SGCZ: variants seen among roughly 807,000 people sequenced by gnomAD.
SGCZ encodes the protein zeta-sarcoglycan.
In SGCZ, 40 loss-of-function variants were observed where a neutral mutation model predicts 41.3. The ratio of observed to expected loss-of-function variants is 0.97; its 90% CI spans 0.75 to 1.26. The LOEUF (loss-of-function observed/expected upper bound fraction) is 1.26, where lower values mean the gene tolerates loss of function less well. Ranked by LOEUF, SGCZ falls within the 50% of genes most tolerant of loss-of-function variation. The pLI is 0.00. For synonymous variants in SGCZ, 206 were observed against 137.5 expected (o/e 1.50, Z -3.49); for missense variants, 552 against 369.8 (o/e 1.49, Z -4.04).
At chr8:14,737,290 A>G (rs1799067067) in intron 1 of SGCZ, among the ~76,000 whole-genome samples, 1 of 151,846 alleles carries the variant, frequency 6.6e-6, no homozygotes, top group Admixed American at 6.6e-5. Flanking sequence ...TTAATTTTAT[A>G]AAGTTATTCT....
chr8:14,743,929 G>A (rs1260883559), intron 1 of SGCZ, among the ~76,000 whole-genome samples: 1 of 152,052 alleles, frequency 6.6e-6, no homozygotes, highest in Non-Finnish European at 1.5e-5. Flanking sequence ...CTGGGGATCC[G>A]AAAGGACAGG....
At chr8:14,303,090 C>T (rs1801248338) in intron 3 of SGCZ, among the ~76,000 whole-genome samples, 1 of 152,094 alleles carries the variant, frequency 6.6e-6, no homozygotes, top group Admixed American at 6.6e-5. Flanking sequence ...ATTAGATGCC[C>T]ACTTTTACCT....
Position 14,271,757 on chromosome 8 carries a change from T to G in SGCZ, c.337-34078A>C, listed in dbSNP as rs564288026. Reference sequence around the variant, plus strand: ...TACTTCCTTGTCCGCTTCTAAAACCTCAGCTGTCCAAGTGAAGATCCTGAT... The same window carrying G: ...TACTTCCTTGTCCGCTTCTAAAACCGCAGCTGTCCAAGTGAAGATCCTGAT... On this transcript the variant is annotated intron_variant, in intron 3 of 7. Coordinates refer to ENST00000382080, the MANE Select transcript of SGCZ (RefSeq NM_139167.4). Among the ~76,000 whole-genome samples the G allele has an allele frequency of 7.9e-5, 12 of 152,284 alleles. No individual in the cohort carries two copies. In the East Asian group the frequency reaches 2.3e-3, roughly 29 times the overall value.
At chr8:14,662,060 T>G (rs1563186452) in intron 1 of SGCZ, among the ~76,000 whole-genome samples, 1 of 152,090 alleles carries the variant, frequency 6.6e-6, no homozygotes. Flanking sequence ...AGAAGAAAAA[T>G]CCTTTCATAT....
At chr8:14,356,179 T>C (rs1047433435) in intron 2 of SGCZ, among the ~76,000 whole-genome samples, 4 of 152,176 alleles carry the variant, frequency 2.6e-5, no homozygotes, top group African/African-American at 9.7e-5. Context: ...TCTGACATGT[T>C]TAAAGCAGGC....
intron 2 of SGCZ, among the ~76,000 whole-genome samples, chr8:14,415,954 A>G (rs1217988961): frequency 6.6e-6 from 1 of 151,966 alleles, no homozygotes; most frequent in African/African-American, 2.4e-5. Context: ...TAATTTCTCT[A>G]TAATAATGGA....
intron 1 of SGCZ, among the ~76,000 whole-genome samples, chr8:15,190,638 G>GCCAGAAATAGGATTTGTACATTTGTTGT (rs1563174814): frequency 6.6e-6 from 1 of 151,652 alleles, no homozygotes; most frequent in African/African-American, 2.4e-5. Flanking sequence ...GATAGTTTCA[G>GCCAGAAATAGGATTTGTACATTTGTTGT]AGCCTTCAAA....
At chr8:14,282,197 C>T (rs1429880061) in intron 3 of SGCZ, among the ~76,000 whole-genome samples, 1 of 151,928 alleles carries the variant, frequency 6.6e-6, no homozygotes, top group Non-Finnish European at 1.5e-5. Context: ...TCTTCTTTGC[C>T]TTAATAGACT....
At chr8:14,641,436 G>C (rs957433054) in intron 1 of SGCZ, among the ~76,000 whole-genome samples, 2 of 151,650 alleles carry the variant, frequency 1.3e-5, no homozygotes, top group Non-Finnish European at 3.0e-5. Context: ...CAAATAGTTT[G>C]AAATAAGTCA....
intron 2 of SGCZ, among the ~76,000 whole-genome samples, chr8:14,366,075 A>T (rs1331854303): frequency 2.0e-5 from 3 of 152,124 alleles, no homozygotes. Context: ...GATCATTTTT[A>T]TCATATTTTT....
At chr8:14,129,913 C>T (rs1003340925) in intron 5 of SGCZ, among the ~76,000 whole-genome samples, 3 of 152,096 alleles carry the variant, frequency 2.0e-5, no homozygotes, top group East Asian at 1.9e-4. Context: ...TCAGTGTTAT[C>T]GCAAGTATTC....
intron 1 of SGCZ, among the ~76,000 whole-genome samples, chr8:15,221,805 G>A (rs2117186028): frequency 6.6e-6 from 1 of 152,262 alleles, no homozygotes; most frequent in South Asian, 2.1e-4. Flanking sequence ...CAACCTTTGT[G>A]TAAAAGGAGA....
In SGCZ at chr8:14,486,316, C is replaced by A. The variant is rs187146346; in HGVS notation, c.234+68416G>T. ...TGTTGAGTATGCATGGTAGTAAGAA[C>A]CACTAAATACGGGTGTCTGGGAGAA... On this transcript the variant is annotated intron_variant, in intron 2 of 7. Coordinates refer to ENST00000382080, the MANE Select transcript of SGCZ (RefSeq NM_139167.4). 6.6e-5 allele frequency among the ~76,000 whole-genome samples: 10 copies of A among 152,210 alleles called. No homozygotes were observed. The East Asian group carries it at 1.9e-3, about 30-fold the overall frequency.
intron 1 of SGCZ, among the ~76,000 whole-genome samples, chr8:15,166,110 G>A (rs1214230332): frequency 6.6e-6 from 1 of 152,054 alleles, no homozygotes; most frequent in Non-Finnish European, 1.5e-5. Flanking sequence ...TTTCAAAATT[G>A]TCTTCCCTGG....
chr8:14,792,798 T>C (rs916575824), intron 1 of SGCZ, among the ~76,000 whole-genome samples: 1 of 152,074 alleles, frequency 6.6e-6, no homozygotes, highest in African/African-American at 2.4e-5. Context: ...CATACCCTTC[T>C]GTTGCTTCTC....
chr8:14,804,720 T>C (rs892804709), intron 1 of SGCZ, among the ~76,000 whole-genome samples: 2 of 112,044 alleles, frequency 1.8e-5, no homozygotes, highest in African/African-American at 6.2e-5. Flanking sequence ...ATGCAGGAAA[T>C]ACAGAGAACG....
chr8:15,033,060 C>T (rs887147890), intron 1 of SGCZ, among the ~76,000 whole-genome samples: 1 of 152,152 alleles, frequency 6.6e-6, no homozygotes, highest in East Asian at 1.9e-4. Context: ...CATGCCAGCC[C>T]TACCTACTAG....
intron 1 of SGCZ, among the ~76,000 whole-genome samples, chr8:14,944,165 G>A (rs543877937): frequency 5.3e-4 from 80 of 152,266 alleles, no homozygotes; most frequent in African/African-American, 1.8e-3. Context: ...GGGCCTGCAG[G>A]CTGAAGGTAG....
chr8:15,108,535 A>G (rs1010076646), intron 1 of SGCZ, among the ~76,000 whole-genome samples: 1 of 152,200 alleles, frequency 6.6e-6, no homozygotes, highest in Non-Finnish European at 1.5e-5. Context: ...CTAAGAGCTC[A>G]GAACACAAAA....
Sources: allele counts gnomAD v4.1 joint callset (sites outside exome capture counted in the v4.1 genomes callset), GRCh38; gene constraint gnomAD v4.1.1; transcripts MANE v1.5; gene names NCBI Gene and HGNC (gene_info 2026-07-23, HGNC 2026-07-21).